ABLIM3: variants seen among roughly 807,000 people sequenced by gnomAD.
ABLIM3 encodes the protein actin binding LIM protein family member 3.
Under a neutral mutation model 109.5 loss-of-function variants are expected in ABLIM3, and 61 were observed. The ratio of observed to expected loss-of-function variants is 0.56; its 90% CI spans 0.45 to 0.69. The LOEUF (loss-of-function observed/expected upper bound fraction) is 0.69, where lower values mean the gene tolerates loss of function less well. Among genes scored for constraint, ABLIM3 ranks in the 30% least tolerant of loss-of-function variants. ABLIM3 has a pLI of 0.00. For missense variants in ABLIM3, 796 were observed against 889.5 expected (o/e 0.89, Z 1.34); for synonymous variants, 300 against 324.8 (o/e 0.92, Z 0.82).
At position 149,209,853 on chromosome 5, in the gene ABLIM3, A is replaced by G. The variant is rs533105662; in HGVS notation, c.576-873A>G. On this transcript the variant is annotated intron_variant, in intron 6 of 23. Coordinates refer to ENST00000309868, the MANE Select transcript of ABLIM3 (RefSeq NM_014945.5). ...GTCCTCACTGCTGCTTCTCCAGGAA[A>G]ATGCTGCCCAGGGTGGGCCCCCAGC... 3.3e-5 allele frequency among the ~76,000 whole-genome samples: 5 copies of G among 152,318 alleles called. No individual in the cohort carries two copies. The East Asian group carries it at 9.7e-4, about 29-fold the overall frequency.
intron 2 of ABLIM3, among the ~76,000 whole-genome samples, chr5:149,170,392 G>A (rs567571372): frequency 6.6e-6 from 1 of 152,192 alleles, no homozygotes; most frequent in East Asian, 1.9e-4. Flanking sequence ...AAGAGCTCTT[G>A]CAGAAAAGCC....
chr5:149,230,558 C>A, intron 8 of ABLIM3, 91 bp from the exon 9 acceptor site: 2 of 1,398,834 alleles, frequency 1.4e-6, no homozygotes, highest in South Asian at 1.2e-5. Context: ...AAGGGACATA[C>A]GCTGACCACG....
At chr5:149,237,403 C>G in intron 10 of ABLIM3, 45 bp from the exon 11 acceptor site, 2 of 1,595,620 alleles carry the variant, frequency 1.3e-6, no homozygotes, top group Non-Finnish European at 1.7e-6. Flanking sequence ...TCCCTTTTCC[C>G]TCTTATCTTT....
At chr5:149,188,850 A>T (rs1023902849) in intron 3 of ABLIM3, among the ~76,000 whole-genome samples, 1 of 152,224 alleles carries the variant, frequency 6.6e-6, no homozygotes, top group Non-Finnish European at 1.5e-5. Context: ...TTCTTTGCCA[A>T]AATTGATGGT....
intron 2 of ABLIM3, among the ~76,000 whole-genome samples, chr5:149,159,977 T>C (rs917229287): frequency 1.8e-4 from 27 of 152,222 alleles, no homozygotes; most frequent in Non-Finnish European, 7.3e-5. Context: ...TGAAATGTTT[T>C]ACCTTTAGAT....
intron 18 of ABLIM3, among the ~76,000 whole-genome samples, chr5:149,248,414 G>A (rs1256726437): frequency 6.6e-6 from 1 of 152,116 alleles, no homozygotes; most frequent in African/African-American, 2.4e-5. Context: ...TGGCTTGGCT[G>A]GGCGCAGTGG....
intron 20 of ABLIM3, among the ~76,000 whole-genome samples, chr5:149,250,743 G>A (rs1318100589): frequency 1.3e-5 from 2 of 152,170 alleles, no homozygotes; most frequent in Non-Finnish European, 2.9e-5. Context: ...CCTGTGCCAG[G>A]GACTCAGCTA....
At chr5:149,166,536 A>G (rs1754854003) in intron 2 of ABLIM3, among the ~76,000 whole-genome samples, 1 of 152,178 alleles carries the variant, frequency 6.6e-6, no homozygotes, top group Non-Finnish European at 1.5e-5. Flanking sequence ...AGAGAATTAG[A>G]AGTCTCAGTA....
chr5:149,149,389 A>C (rs1200615798), intron 2 of ABLIM3, among the ~76,000 whole-genome samples: 2 of 152,250 alleles, frequency 1.3e-5, no homozygotes. Context: ...TGAGTAAAGC[A>C]AAGTTCTGGA....
intron 2 of ABLIM3, among the ~76,000 whole-genome samples, chr5:149,163,418 G>GC (rs11422097): frequency 0.81 from 122,626 of 152,106 alleles, 49,646 homozygotes; most frequent in African/African-American, 0.88. Context: ...AGCTAGAGCT[G>GC]CATAACAAAA....
At position 149,239,788 on chromosome 5, in the gene ABLIM3, G is replaced by C. The variant is rs1361707768; in HGVS notation, c.1104G>C (p.Gln368His). ...TCTACGAGAACCTGGACCTCCGGCA[G>C]AGACGGGCCTCCAGCCCGGGGTACA... ...QDIYENLDLRQRRASSPGYID... is the reference protein window; with the variant it reads ...QDIYENLDLRHRRASSPGYID... The change falls in exon 13 of 24, where the codon CAG becomes CAC. Residue 368 changes from glutamine (Q) to histidine (H), a missense_variant. Physicochemically the swap from Gln to His is conservative, Grantham distance 24. Transcript: ENST00000309868. The C allele has an allele frequency of 6.2e-7, 1 of 1,607,818 alleles. No homozygotes were observed. Among genetic ancestry groups the C allele is most frequent in the East Asian group, 2.3e-5 (1 of 43,974 alleles).
Position 149,198,329 on chromosome 5 carries a change from T to G in ABLIM3, c.262T>G (p.Phe88Val). Residue 88 changes from phenylalanine to valine, a missense_variant, in exon 4 of 24, where the codon TTC becomes GTC. Physicochemically the swap from Phe to Val is conservative, Grantham distance 50. Transcript: ENST00000309868. This position sits in a 1 kb window ranked among gnomAD's most constrained non-coding sequence, Gnocchi z 4.2. ...YGTRCDSCRDFITGEVISALG... is the reference protein window; with the variant it reads ...YGTRCDSCRDVITGEVISALG... ...CACCCGCTGTGACAGCTGCCGGGAC[T>G]TCATCACAGGCGAAGTCATCTCGGC... 5.6e-6 allele frequency: 9 copies of G among 1,614,132 alleles called. No individual in the cohort carries two copies. Among genetic ancestry groups the G allele is most frequent in the Non-Finnish European group, 6.8e-6 (8 of 1,180,018 alleles).
chr5:149,202,673 A>G (rs1187844237), intron 5 of ABLIM3, among the ~76,000 whole-genome samples: 2 of 152,216 alleles, frequency 1.3e-5, no homozygotes, highest in Non-Finnish European at 2.9e-5. Context: ...GAGAGTAAAT[A>G]AAGATATTCT....
chr5:149,223,436 G>A (rs865927704), intron 8 of ABLIM3, among the ~76,000 whole-genome samples: 5 of 152,194 alleles, frequency 3.3e-5, no homozygotes, highest in African/African-American at 7.2e-5. Context: ...GTTTTAGCTC[G>A]ATGAGACATT....
chr5:149,158,215 G>A lies in ABLIM3; in HGVS notation c.13+16107G>A, dbSNP rs180844168. ...TAAACTCCTTGAAGATAGAAATCAC[G>A]TGTCTATGGGGTATAATGTATTTGT... is the stretch of plus-strand genomic sequence containing the variant. On this transcript the variant is annotated intron_variant, in intron 2 of 23. Transcript: ENST00000309868. Among the ~76,000 whole-genome samples the A allele has an allele frequency of 2.6e-5, 4 of 152,246 alleles. No homozygotes were observed. In the East Asian group the frequency reaches 7.7e-4, roughly 29 times the overall value.
intron 8 of ABLIM3, among the ~76,000 whole-genome samples, chr5:149,225,659 G>A (rs867198314): frequency 2.0e-5 from 3 of 152,062 alleles, no homozygotes; most frequent in African/African-American, 7.2e-5. Context: ...CATCACCTGA[G>A]TGGTATACAA....
intron 2 of ABLIM3, among the ~76,000 whole-genome samples, chr5:149,144,344 A>G (rs1752734895): frequency 6.6e-6 from 1 of 152,156 alleles, no homozygotes; most frequent in African/African-American, 2.4e-5. Context: ...TCCCAAACCC[A>G]CGAGTCTGCA....
chr5:149,248,638 C>T (rs1219404689), intron 18 of ABLIM3, among the ~76,000 whole-genome samples: 5 of 138,276 alleles, frequency 3.6e-5, no homozygotes, highest in Admixed American at 3.3e-4. Flanking sequence ...TGCAGTGAGC[C>T]GAGATTGCAC....
chr5:149,252,190 T>G lies in ABLIM3; in HGVS notation c.1850-11T>G. 6.2e-7 allele frequency: 1 copy of G among 1,613,750 alleles called. No individual in the cohort carries two copies. On this transcript the variant is annotated splice_polypyrimidine_tract_variant and intron_variant, in intron 21 of 23. Coordinates refer to ENST00000309868, the MANE Select transcript of ABLIM3 (RefSeq NM_014945.5). ...TCCATTCTGTGTGTGTGTCTCTTTT[T>G]CTCTCTGCAGAGTACAAGGTAAAGG...
Sources: allele counts gnomAD v4.1 joint callset (sites outside exome capture counted in the v4.1 genomes callset), GRCh38; gene constraint gnomAD v4.1.1; non-coding constraint Gnocchi (gnomAD v3.1); transcripts MANE v1.5; gene names NCBI Gene and HGNC (gene_info 2026-07-23, HGNC 2026-07-21).